GSTO2: variants seen among roughly 807,000 people sequenced by gnomAD.
GSTO2 encodes glutathione S-transferase omega 2, also known as glutathione S-transferase omega-2.
A neutral mutation model predicts 28.4 loss-of-function variants in GSTO2; 23 were observed. The observed-to-expected ratio is 0.81, with a 90% CI of 0.58 to 1.15. GSTO2 has a LOEUF of 1.15. Among genes scored for constraint, GSTO2 ranks in the 50% most tolerant of loss-of-function variants. The pLI is 0.00. For missense variants in GSTO2, 298 were observed against 297.8 expected, an observed-to-expected ratio of 1.00 and a Z score of 0.00; for synonymous variants, 109 against 111.0, an observed-to-expected ratio of 0.98 and a Z score of 0.11.
chr10:104,274,725 C>G lies in GSTO2; in HGVS notation c.-191C>G, dbSNP rs190982051. 1.1e-3 allele frequency: 692 copies of G among 652,752 alleles called. 2 individuals are homozygous for G. Among genetic ancestry groups the G allele is most frequent in the Non-Finnish European group, 1.4e-3 (521 of 382,134 alleles). The allele number at this position is 652,752 out of a possible 1,614,324, so 40.4% of individuals were successfully genotyped here. ...TTCCAAATCTGGGGCGATGTCTCCC[C>G]AGGTTAAATTACCCTAGCTCCTGCT... On this transcript the variant is annotated 5_prime_UTR_variant, in exon 2 of 7. Coordinates refer to ENST00000338595, the MANE Select transcript of GSTO2 (RefSeq NM_183239.2).
chr10:104,280,595 G>A (rs972113510), intron 5 of GSTO2, among the ~76,000 whole-genome samples: 1 of 152,194 alleles, frequency 6.6e-6, no homozygotes, highest in Non-Finnish European at 1.5e-5. Flanking sequence ...AATGGGTGCG[G>A]TGGCAGGAAT....
intron 5 of GSTO2, among the ~76,000 whole-genome samples, chr10:104,290,025 G>T (rs1300005414): frequency 6.6e-6 from 1 of 152,270 alleles, no homozygotes; most frequent in East Asian, 1.9e-4. Context: ...CAGTTTGGAG[G>T]TTCCTCAAAA....
At chr10:104,271,538 T>C (rs7914492) in intron 1 of GSTO2, among the ~76,000 whole-genome samples, 11,277 of 152,298 alleles carry the variant, frequency 0.074, 1,397 homozygotes, top group African/African-American at 0.26. Context: ...AAAGGTTAGA[T>C]AGCTTGCCTA....
chr10:104,275,098 G>C, intron 2 of GSTO2, 128 bp from the exon 3 acceptor site: 5 of 1,516,220 alleles, frequency 3.3e-6, no homozygotes, highest in Non-Finnish European at 3.5e-6. Context: ...ATGCAGCACT[G>C]CCCTCTCTGG....
chr10:104,270,203 C>G (rs894247249), intron 1 of GSTO2, among the ~76,000 whole-genome samples: 1 of 151,398 alleles, frequency 6.6e-6, no homozygotes, highest in Non-Finnish European at 1.5e-5. Context: ...TTAGTAGAGA[C>G]GGGGTTTCAC....
chr10:104,278,062 A>G lies in GSTO2; in HGVS notation c.312A>G (p.Pro104=), dbSNP rs1351111257. The change falls in exon 4 of 7, where the codon CCA becomes CCG. Residue 104 remains proline, a synonymous_variant. Transcript: ENST00000338595. ...DDAYPGRKLF[P]YDPYERARQK... The stretch of plus-strand genomic sequence containing the variant: ...CTTATCCAGGAAGGAAGCTGTTTCC[A>G]TATGACCCTTATGAACGAGCTCGCC... 1.9e-6 allele frequency: 3 copies of G among 1,614,232 alleles called. No homozygotes were observed. The highest frequency in any genetic ancestry group is 2.5e-6 in the Non-Finnish European group (3 of 1,180,040).
intron 3 of GSTO2, among the ~76,000 whole-genome samples, chr10:104,276,320 A>G (rs898487242): frequency 2.6e-5 from 4 of 152,244 alleles, no homozygotes; most frequent in African/African-American, 7.2e-5. Flanking sequence ...GAGGAAAATA[A>G]CAACAACTGG....
chr10:104,282,332 C>T (rs141567832), intron 5 of GSTO2, among the ~76,000 whole-genome samples: 2 of 151,368 alleles, frequency 1.3e-5, no homozygotes, highest in Non-Finnish European at 2.9e-5. Flanking sequence ...ACGGTAGGAT[C>T]GCTTGAGCCC....
intron 5 of GSTO2, among the ~76,000 whole-genome samples, chr10:104,289,953 G>T (rs554318198): frequency 3.3e-5 from 5 of 152,186 alleles, no homozygotes; most frequent in African/African-American, 1.2e-4. Flanking sequence ...TGAGGATGTG[G>T]AGAAAAGGGA....
chr10:104,278,121 A>T lies in GSTO2; in HGVS notation c.366+5A>T. ...TTATTGGAGCTATTTTGTAAGGTAT[A>T]TTCAATTTAAAAAGTCACTCACACT... is the stretch of plus-strand genomic sequence containing the variant. On this transcript the variant is annotated splice_donor_5th_base_variant and intron_variant, in intron 4 of 6. Coordinates refer to ENST00000338595, the MANE Select transcript of GSTO2 (RefSeq NM_183239.2). 1.2e-6 allele frequency: 2 copies of T among 1,609,876 alleles called. No homozygotes were observed. Among genetic ancestry groups the T allele is most frequent in the Non-Finnish European group, 1.7e-6 (2 of 1,176,766 alleles).
chr10:104,282,993 A>G (rs1488725097), intron 5 of GSTO2, among the ~76,000 whole-genome samples: 1 of 152,148 alleles, frequency 6.6e-6, no homozygotes, highest in Non-Finnish European at 1.5e-5. Flanking sequence ...CTCTTAAAAG[A>G]GAAAGAAAAA....
At chr10:104,286,203 CG>C (rs1232129751) in intron 5 of GSTO2, among the ~76,000 whole-genome samples, 1 of 120,198 alleles carries the variant, frequency 8.3e-6, no homozygotes, top group East Asian at 2.0e-4. Flanking sequence ...AATTTCAGAG[CG>C]TTTTTTTTAT....
chr10:104,275,360 C>G (rs995973190), intron 3 of GSTO2, 26 bp downstream of exon 3: 1 of 1,609,382 alleles, frequency 6.2e-7, no homozygotes, highest in Non-Finnish European at 8.5e-7. Flanking sequence ...CCAGAGCCCC[C>G]GAGCAAACCC....
rs186245394 is a variant in GSTO2, at chr10:104,302,177, G to T, written c.*2893G>T. 6.6e-6 allele frequency: 1 copy of T among 152,256 alleles called. No homozygotes were observed. The highest frequency in any genetic ancestry group is 6.5e-5 in the Admixed American group (1 of 15,294). 9.4% of individuals were successfully genotyped at this position (152,256 alleles called of 1,614,324 possible). The stretch of plus-strand genomic sequence containing the variant: ...CATGAGAACTCACTCACTGTCATGA[G>T]AAAAGCATAGGGAAAACACTCCCAC... On this transcript the variant is annotated 3_prime_UTR_variant, in exon 7 of 7. Transcript: ENST00000338595.
At chr10:104,293,773 G>A (rs936990053) in intron 5 of GSTO2, among the ~76,000 whole-genome samples, 3 of 151,718 alleles carry the variant, frequency 2.0e-5, no homozygotes, top group African/African-American at 4.9e-5. Context: ...GGGTTTCACC[G>A]TGTTTCTCAG....
intron 5 of GSTO2, among the ~76,000 whole-genome samples, chr10:104,285,159 A>G (rs762582352): frequency 7.9e-5 from 12 of 152,226 alleles, no homozygotes; most frequent in Non-Finnish European, 1.3e-4. Flanking sequence ...AGCAGTTTGC[A>G]TGAGGTGGAA....
intron 5 of GSTO2, among the ~76,000 whole-genome samples, chr10:104,287,209 T>C (rs1332569902): frequency 6.6e-6 from 1 of 152,114 alleles, no homozygotes; most frequent in Non-Finnish European, 1.5e-5. Context: ...TGTGCCACCA[T>C]GCCTAGCTAG....
At chr10:104,291,704 T>C (rs1317749166) in intron 5 of GSTO2, 1 of 152,290 alleles carries the variant, frequency 6.6e-6, no homozygotes, top group East Asian at 1.9e-4. Flanking sequence ...CGTGCAGGGC[T>C]TGGGAACAGT....
At chr10:104,289,868 A>G (rs2012670773) in intron 5 of GSTO2, among the ~76,000 whole-genome samples, 1 of 152,246 alleles carries the variant, frequency 6.6e-6, no homozygotes. Context: ...AAGGCAAATC[A>G]AAACTACAAT....
Sources: allele counts gnomAD v4.1 joint callset (sites outside exome capture counted in the v4.1 genomes callset), GRCh38; gene constraint gnomAD v4.1.1; transcripts MANE v1.5; gene names NCBI Gene and HGNC (gene_info 2026-07-23, HGNC 2026-07-21).